The following PDE12 variants were observed in gnomAD, a reference collection of about 807,000 sequenced individuals.
The protein encoded by PDE12 is phosphodiesterase 12, also known as 2',5'-phosphodiesterase 12.
In PDE12, 26 loss-of-function variants were observed where a neutral mutation model predicts 45.4. The ratio of observed to expected loss-of-function variants is 0.57; its 90% CI spans 0.42 to 0.79. PDE12 has a LOEUF of 0.79. Among genes scored for constraint, PDE12 ranks in the 30% least tolerant of loss-of-function variants. The pLI, the probability that PDE12 is intolerant of heterozygous loss-of-function variation, is 0.00. For missense variants in PDE12, 668 were observed against 790.0 expected (o/e 0.85, Z 1.85); for synonymous variants, 283 against 323.9 (o/e 0.87, Z 1.36).
At chr3:57,602,830 C>G in the PDE12 span, among the ~76,000 whole-genome samples, 1 of 152,152 alleles carries the variant, frequency 6.6e-6, no homozygotes, top group East Asian at 1.9e-4. Context: ...CTCGGTCTCC[C>G]AGAGGGCTGA....
rs1057044768 is a variant in PDE12, at chr3:57,565,181, GTCTC to G, written c.*5181_*5184del. 6 of 151,842 alleles carry G rather than the reference GTCTC, an allele frequency of 4.0e-5. No individual in the cohort carries two copies. The highest frequency in any genetic ancestry group is 7.3e-5 in the African/African-American group (3 of 41,248). 9.4% of individuals were successfully genotyped at this position (151,842 alleles called of 1,614,324 possible). Reference sequence around the variant, plus strand: ...TTTTAAATTGTTTGTAGAGATGGGGGTCTCTCTATGTTGCCCAGACTGGTCTTAA... The same window carrying G: ...TTTTAAATTGTTTGTAGAGATGGGGGTCTATGTTGCCCAGACTGGTCTTAA... On this transcript the variant is annotated 3_prime_UTR_variant, in exon 3 of 3. Coordinates refer to ENST00000311180, the MANE Select transcript of PDE12 (RefSeq NM_177966.7).
chr3:57,616,787 G>C, the PDE12 span, among the ~76,000 whole-genome samples: 1 of 152,132 alleles, frequency 6.6e-6, no homozygotes, highest in Non-Finnish European at 1.5e-5. Context: ...ACTTTCGGAG[G>C]CCAAGGCAGG....
chr3:57,584,215 G>C, the PDE12 span, among the ~76,000 whole-genome samples: 5,689 of 152,118 alleles, frequency 0.037, 367 homozygotes, highest in African/African-American at 0.13. Context: ...CACCCGCCTC[G>C]GCCTCCCAAA....
rs760783772 is a variant in PDE12 at position 57,560,025 on chromosome 3, A to T, written c.*21A>T. 1 of 1,568,408 alleles carries T rather than the reference A, an allele frequency of 6.4e-7. No individual in the cohort carries two copies. The highest frequency in any genetic ancestry group is 8.6e-7 in the Non-Finnish European group (1 of 1,162,160). On this transcript the variant is annotated 3_prime_UTR_variant, in exon 3 of 3. Transcript: ENST00000311180. The stretch of plus-strand genomic sequence containing the variant: ...AATAGATGTGTGTTTAATGGAATTG[A>T]AGTCTGAAAAGGAAGTAGTTATTTT...
intron 1 of PDE12, among the ~76,000 whole-genome samples, chr3:57,558,995 G>A (rs2069696630): frequency 6.6e-6 from 1 of 151,582 alleles, no homozygotes; most frequent in Non-Finnish European, 1.5e-5. Flanking sequence ...GCCGAGGCGG[G>A]TGGATCACAA....
At chr3:57,602,863 G>T in the PDE12 span, among the ~76,000 whole-genome samples, 1 of 151,950 alleles carries the variant, frequency 6.6e-6, no homozygotes, top group African/African-American at 2.4e-5. Flanking sequence ...GAGCCACCAC[G>T]TCCGGCCTAC....
chr3:57,624,020 A>C, the PDE12 span, among the ~76,000 whole-genome samples: 8 of 152,026 alleles, frequency 5.3e-5, no homozygotes, highest in Non-Finnish European at 2.9e-5. Flanking sequence ...ACAGGGTCTC[A>C]CTCTGCTGCT....
At chr3:57,585,068 T>C in the PDE12 span, among the ~76,000 whole-genome samples, 1 of 152,124 alleles carries the variant, frequency 6.6e-6, no homozygotes, top group East Asian at 1.9e-4. Context: ...TTCACCATGT[T>C]GGCCAGGCTG....
In PDE12 at chr3:57,556,515, G is replaced by GAACCC; in HGVS notation, c.139_143dup (p.Lys48AsnfsTer4). ...CGCTGTAGTGCGCTGCGTACCTTCG[G>GAACCC]AACCCAAGCTGAGCCTGTCATTCGC... On this transcript the variant is annotated frameshift_variant, in exon 1 of 3. Coordinates refer to ENST00000311180, the MANE Select transcript of PDE12 (RefSeq NM_177966.7). LOFTEE classifies it high-confidence loss of function. This position sits in a 1 kb window ranked among gnomAD's most constrained non-coding sequence, Gnocchi z 5.0. 6.2e-7 allele frequency: 1 copy of GAACCC among 1,613,508 alleles called. No homozygotes were observed. Among genetic ancestry groups the GAACCC allele is most frequent in the Non-Finnish European group, 8.5e-7 (1 of 1,179,974 alleles).
the PDE12 span, among the ~76,000 whole-genome samples, chr3:57,623,045 T>C: frequency 6.6e-6 from 1 of 152,330 alleles, no homozygotes; most frequent in South Asian, 2.1e-4. Flanking sequence ...TGAAAACTTA[T>C]CAAATTATAC....
chr3:57,646,555 C>A, the PDE12 span: 1 of 1,353,708 alleles, frequency 7.4e-7, no homozygotes, highest in Non-Finnish European at 9.8e-7. Flanking sequence ...CTATTTGTAT[C>A]CTGATCTGAT....
At chr3:57,616,662 A>G in the PDE12 span, among the ~76,000 whole-genome samples, 1 of 152,194 alleles carries the variant, frequency 6.6e-6, no homozygotes, top group Non-Finnish European at 1.5e-5. Flanking sequence ...CATAATACCA[A>G]TTTGACACAA....
the PDE12 span, among the ~76,000 whole-genome samples, chr3:57,653,686 C>G: frequency 1.4e-5 from 2 of 146,862 alleles, no homozygotes; most frequent in African/African-American, 2.5e-5. Flanking sequence ...GCGGAGGTTG[C>G]AGTGAGCCGA....
Position 57,559,665 on chromosome 3 carries a change from T to C in PDE12, c.1491T>C (p.Phe497=), listed in dbSNP as rs373447365. 1.9e-6 allele frequency: 3 copies of C among 1,614,092 alleles called. No homozygotes were observed. Among genetic ancestry groups the C allele is most frequent in the South Asian group, 1.1e-5 (1 of 91,090 alleles). Residue 497 remains phenylalanine (F), a synonymous_variant, in exon 3 of 3, where the codon TTT becomes TTC. Transcript: ENST00000311180. The stretch of plus-strand genomic sequence containing the variant: ...TACCAGTTATATTTTGTGGGGACTT[T>C]AATAGTACACCATCAACAGGAATGT... ...PGIPVIFCGD[F]NSTPSTGMYH... is the part of the protein sequence containing the mutation.
the PDE12 span, among the ~76,000 whole-genome samples, chr3:57,602,812 C>T: frequency 6.6e-6 from 1 of 151,528 alleles, no homozygotes; most frequent in Non-Finnish European, 1.5e-5. Flanking sequence ...CTCAGGTAAT[C>T]CACCCGCCTC....
the PDE12 span, among the ~76,000 whole-genome samples, chr3:57,582,755 A>AAC: frequency 0.39 from 58,507 of 151,446 alleles, 12,640 homozygotes; most frequent in South Asian, 0.56. Flanking sequence ...AAAAAAAATT[A>AAC]TTAAGTAATA....
the PDE12 span, among the ~76,000 whole-genome samples, chr3:57,608,476 C>T: frequency 6.6e-6 from 1 of 152,002 alleles, no homozygotes; most frequent in Non-Finnish European, 1.5e-5. Context: ...CATCAGTGTG[C>T]TGTATTCAGG....
chr3:57,597,212 C>A, the PDE12 span: 9 of 1,444,046 alleles, frequency 6.2e-6, no homozygotes, highest in Non-Finnish European at 8.7e-6. Flanking sequence ...TCCTTTCAAG[C>A]TCCCAGGCAA....
the PDE12 span, among the ~76,000 whole-genome samples, chr3:57,651,104 C>A: frequency 6.6e-6 from 1 of 152,188 alleles, no homozygotes; most frequent in African/African-American, 2.4e-5. Context: ...GAATATTATT[C>A]AACCATTAAA....
Sources: allele counts gnomAD v4.1 joint callset (sites outside exome capture counted in the v4.1 genomes callset), GRCh38; gene constraint gnomAD v4.1.1; non-coding constraint Gnocchi (gnomAD v3.1); transcripts MANE v1.5; gene names NCBI Gene and HGNC (gene_info 2026-07-23, HGNC 2026-07-21).